Variants in ARHGEF18 observed in about 807,000 individuals in gnomAD.
ARHGEF18 encodes rho guanine nucleotide exchange factor 18.
A neutral mutation model predicts 155.7 loss-of-function variants in ARHGEF18; 93 were observed. That is an observed-to-expected ratio of 0.60 (90% confidence interval 0.50 to 0.71). The LOEUF (loss-of-function observed/expected upper bound fraction) is 0.71. Ranked by LOEUF, ARHGEF18 falls within the 30% of genes least tolerant of loss-of-function variation. The probability of loss-of-function intolerance (pLI) is 0.00; values close to 1 mark genes in which losing one functional copy is unlikely to be tolerated. For missense variants in ARHGEF18, 1,593 were observed against 1,816.1 expected, an observed-to-expected ratio of 0.88 and a Z score of 2.23; for synonymous variants, 742 against 753.1, an observed-to-expected ratio of 0.99 and a Z score of 0.24.
In ARHGEF18 at chr19:7,440,474, G is replaced by C. The variant is rs1377625646; in HGVS notation, c.1098G>C (p.Thr366=). 1 of 1,597,236 alleles carries C rather than the reference G, an allele frequency of 6.3e-7. No individual in the cohort carries two copies. The highest frequency in any genetic ancestry group is 8.5e-7 in the Non-Finnish European group (1 of 1,178,362). The change falls in exon 11 of 29, where the codon ACG becomes ACC. Residue 366 remains threonine (T), a synonymous_variant. Transcript: ENST00000668164. This position sits in a 1 kb window ranked among gnomAD's most constrained non-coding sequence, Gnocchi z 5.4. ...QPTPSPAGPG[T]QLGPITGEMD... is the part of the protein sequence containing the mutation. ...CACCGAGCCCGGCTGGCCCTGGGAC[G>C]CAACTCGGGTAAGCCAGGGTCCCCT... is the stretch of plus-strand genomic sequence containing the variant.
At chr19:7,424,131 A>G (rs947278499) in intron 10 of ARHGEF18, among the ~76,000 whole-genome samples, 1 of 151,944 alleles carries the variant, frequency 6.6e-6, no homozygotes, top group African/African-American at 2.4e-5. Context: ...GGTTCAAGCG[A>G]TTCTCCTGCC....
intron 2 of ARHGEF18, among the ~76,000 whole-genome samples, chr19:7,368,015 GAGGGCGGAAGGA>G (rs1568270715): frequency 2.2e-4 from 19 of 86,342 alleles, no homozygotes; most frequent in African/African-American, 7.0e-4. Context: ...GGGAGGGAGG[GAGGGCGGAAGGA>G]AGGAAGGAAG....
At position 7,451,261 on chromosome 19, in the gene ARHGEF18, C is replaced by G. The variant is rs200483329; in HGVS notation, c.1850C>G (p.Thr617Arg). 2.5e-6 allele frequency: 4 copies of G among 1,613,356 alleles called. No homozygotes were observed. The highest frequency in any genetic ancestry group is 3.4e-6 in the Non-Finnish European group (4 of 1,179,840). The stretch of plus-strand genomic sequence containing the variant: ...CTGGTGGAGCGCATCATCCAGAACA[C>G]GGAAGGTAGGCCTTCTCCCCACTGC... ...PVLVERIIQN[T>R]EAGTEDYEDL... The change falls in exon 16 of 29, where the codon ACG becomes AGG. Residue 617 changes from threonine (T) to arginine (R), a missense_variant. Coordinates refer to ENST00000668164, the MANE Select transcript of ARHGEF18 (RefSeq NM_001367823.1).
Position 7,462,068 on chromosome 19 carries a change from T to G in ARHGEF18, c.2453-84T>G, listed in dbSNP as rs796596510. 19 of 1,567,422 alleles carry G rather than the reference T, an allele frequency of 1.2e-5. No individual in the cohort carries two copies. The African/African-American group carries it at 2.6e-4, about 21-fold the overall frequency. ...CTCAGGGCAGGGCCAGCGGGGTTCC[T>G]CATCCTTAGGCCAGTCCCCGGGGCT... On this transcript the variant is annotated intron_variant, in intron 20 of 28. Coordinates refer to ENST00000668164, the MANE Select transcript of ARHGEF18 (RefSeq NM_001367823.1). The surrounding 1 kb of genome is among the most constrained non-coding windows in gnomAD (Gnocchi z 4.4).
intron 10 of ARHGEF18, among the ~76,000 whole-genome samples, chr19:7,385,725 C>T (rs1199590802): frequency 6.6e-6 from 1 of 151,900 alleles, no homozygotes; most frequent in Non-Finnish European, 1.5e-5. Context: ...ATTTGCCTGC[C>T]TTGGCCTCCC....
chr19:7,380,307 T>C (rs184686978), intron 7 of ARHGEF18, among the ~76,000 whole-genome samples: 2,171 of 150,824 alleles, frequency 0.014, 41 homozygotes, highest in African/African-American at 0.05. Flanking sequence ...TGAAACCCCG[T>C]CTCTACTAAA....
downstream of ARHGEF18, chr19:7,477,378 A>C: frequency 1.3e-6 from 2 of 1,555,718 alleles, no homozygotes; most frequent in Non-Finnish European, 1.7e-6. Context: ...CTGAGAAGTG[A>C]CAGCGCCTCC....
chr19:7,406,715 G>A (rs1972327021), intron 10 of ARHGEF18, among the ~76,000 whole-genome samples: 1 of 152,264 alleles, frequency 6.6e-6, no homozygotes, highest in South Asian at 2.1e-4. Flanking sequence ...GTCTTTGCAA[G>A]GTTCTGGAAT....
At position 7,431,510 on chromosome 19, in the gene ARHGEF18, CAAAAA is replaced by C. The variant is rs34609858; in HGVS notation, c.968-8815_968-8811del. Among the ~76,000 whole-genome samples, 6 of 51,294 alleles carry C rather than the reference CAAAAA, an allele frequency of 1.2e-4. No homozygotes were observed. The South Asian group carries it at 2.9e-3, about 25-fold the overall frequency. The allele number at this position is 51,294 out of a possible 152,430, so 33.7% of individuals were successfully genotyped here. A position where few individuals can be genotyped will look rare whatever the true frequency, so the allele number is the denominator to read the frequency against. Reference sequence around the variant, plus strand: ...TGGACGACAGAGTGAGACTCCATCTCAAAAAAAAAAAAAAAAAAAAAAAGGCCGGG... The same window carrying C: ...TGGACGACAGAGTGAGACTCCATCTCAAAAAAAAAAAAAAAAAAGGCCGGG... On this transcript the variant is annotated intron_variant, in intron 10 of 28. Coordinates refer to ENST00000668164, the MANE Select transcript of ARHGEF18 (RefSeq NM_001367823.1).
intron 10 of ARHGEF18, among the ~76,000 whole-genome samples, chr19:7,437,258 G>A (rs972681968): frequency 2.6e-5 from 4 of 152,002 alleles, no homozygotes; most frequent in African/African-American, 7.2e-5. Flanking sequence ...GAGAAACTCC[G>A]TCTCTACTAA....
In ARHGEF18 at chr19:7,458,576, A is replaced by G. The variant is rs768015613; in HGVS notation, c.2246A>G (p.Lys749Arg). The G allele has an allele frequency of 6.2e-7, 1 of 1,614,150 alleles. No individual in the cohort carries two copies. Among genetic ancestry groups the G allele is most frequent in the Non-Finnish European group, 8.5e-7 (1 of 1,180,024 alleles). Reference protein sequence around the residue: ...LIVREVANEEKAMFLISASLQ... With the variant: ...LIVREVANEERAMFLISASLQ... Reference sequence around the variant, plus strand: ...GTGAGGGAAGTGGCCAACGAGGAGAAAGCGATGTTTCTGATCAGCGCCTCC... The same window carrying G: ...GTGAGGGAAGTGGCCAACGAGGAGAGAGCGATGTTTCTGATCAGCGCCTCC... Residue 749 changes from lysine to arginine, a missense_variant, in exon 19 of 29, where the codon AAA (lysine) becomes AGA (arginine). Coordinates refer to ENST00000668164, the MANE Select transcript of ARHGEF18 (RefSeq NM_001367823.1).
At chr19:7,411,728 A>G (rs1304019216) in intron 10 of ARHGEF18, among the ~76,000 whole-genome samples, 1 of 152,028 alleles carries the variant, frequency 6.6e-6, no homozygotes, top group Non-Finnish European at 1.5e-5. Flanking sequence ...CCTCTTCCCA[A>G]GCTGCAACTC....
In ARHGEF18 at chr19:7,356,271, CT is replaced by C. The variant is rs111791378; in HGVS notation, c.-110-6495del. ...GTTGTTGCAAAGAGAGACACTTTTT[CT>C]TTTTTTTTTTTTTTCTGAGACCGAG... is the stretch of plus-strand genomic sequence containing the variant. On this transcript the variant is annotated intron_variant, in intron 1 of 28. Coordinates refer to ENST00000668164, the MANE Select transcript of ARHGEF18 (RefSeq NM_001367823.1). Among the ~76,000 whole-genome samples, 676 of 139,846 alleles carry C rather than the reference CT, an allele frequency of 4.8e-3. 6 individuals carry two copies. Among genetic ancestry groups the C allele is most frequent in the East Asian group, 0.019 (91 of 4,828 alleles). The allele number at this position is 139,846 out of a possible 152,430, so 91.7% of individuals were successfully genotyped here.
chr19:7,469,111 C>G lies in ARHGEF18; in HGVS notation c.3767C>G (p.Ser1256Cys). 1 of 1,604,244 alleles carries G rather than the reference C, an allele frequency of 6.2e-7. No individual in the cohort carries two copies. Among genetic ancestry groups the G allele is most frequent in the South Asian group, 1.1e-5 (1 of 89,600 alleles). ...GACAAGGGCGGCAAGAGCAGGGGCT[C>G]TCAGCGCTGGGAGAGCTCAGGTGAG... ...GKDKGGKSRG[S>C]QRWESSASFD... Residue 1256 changes from serine to cysteine, a missense_variant, in exon 27 of 29, where the codon TCT becomes TGT. By Grantham distance (112) the Ser-to-Cys change is moderately radical. Coordinates refer to ENST00000668164, the MANE Select transcript of ARHGEF18 (RefSeq NM_001367823.1).
intron 15 of ARHGEF18, 45 bp downstream of exon 15, chr19:7,447,213 G>T: frequency 6.5e-7 from 1 of 1,536,316 alleles, no homozygotes. Context: ...TATTCTGGCC[G>T]GGCGCAGTGG....
intron 10 of ARHGEF18, among the ~76,000 whole-genome samples, chr19:7,432,081 G>GT (rs200476171): frequency 3.3e-5 from 5 of 152,026 alleles, no homozygotes; most frequent in African/African-American, 1.2e-4. Context: ...GGATGAAGGG[G>GT]TTTTTTTCTT....
chr19:7,469,129 C>T lies in ARHGEF18; in HGVS notation c.3785C>T (p.Ser1262Leu). ...KSRGSQRWES[S>L]ASFDLKQQLL... The stretch of plus-strand genomic sequence containing the variant: ...AGGGGCTCTCAGCGCTGGGAGAGCT[C>T]AGGTGAGCCGGCCCCACCCCTTCGC... Residue 1262 changes from serine to leucine, a missense_variant and splice_region_variant, in exon 27 of 29, where the codon TCA becomes TTA. Coordinates refer to ENST00000668164, the MANE Select transcript of ARHGEF18 (RefSeq NM_001367823.1). 1 of 1,592,196 alleles carries T rather than the reference C, an allele frequency of 6.3e-7. No homozygotes were observed. Among genetic ancestry groups the T allele is most frequent in the Non-Finnish European group, 8.5e-7 (1 of 1,169,856 alleles).
In ARHGEF18 at chr19:7,470,900, G is replaced by T. The variant is rs566773028; in HGVS notation, c.*602G>T. ...GAATGAGCCAGGCACGGGGGCATGG[G>T]CAGAGAGGGCCACGGGGCAGGGCCC... On this transcript the variant is annotated 3_prime_UTR_variant, in exon 29 of 29. Coordinates refer to ENST00000668164, the MANE Select transcript of ARHGEF18 (RefSeq NM_001367823.1). This position sits in a 1 kb window ranked among gnomAD's most constrained non-coding sequence, Gnocchi z 5.9. 2 of 401,206 alleles carry T rather than the reference G, an allele frequency of 5.0e-6. No homozygotes were observed. Among genetic ancestry groups the T allele is most frequent in the African/African-American group, 2.0e-5 (1 of 48,820 alleles). The allele number at this position is 401,206 out of a possible 1,614,324, so 24.9% of individuals were successfully genotyped here.
chr19:7,416,530 C>CGTGTGTGTGTGTGT (rs71179108), intron 10 of ARHGEF18, among the ~76,000 whole-genome samples: 58 of 105,948 alleles, frequency 5.5e-4, no homozygotes, highest in Admixed American at 1.1e-3. Flanking sequence ...GGAGAAAATT[C>CGTGTGTGTGTGTGT]GTGTGTGTGT....
Sources: gnomAD v4.1 joint callset for allele counts (sites outside exome capture counted in the v4.1 genomes callset) on GRCh38, gnomAD v4.1.1 for gene constraint, Gnocchi (gnomAD v3.1) non-coding constraint, MANE v1.5 for transcripts, NCBI Gene and HGNC (gene_info 2026-07-23, HGNC 2026-07-21) for gene names.